The following DCC variants were observed in gnomAD, a reference collection of about 807,000 sequenced individuals.
DCC encodes DCC netrin 1 receptor.
A neutral mutation model predicts 172.5 loss-of-function variants in DCC; 58 were observed. The ratio of observed to expected loss-of-function variants is 0.34; its 90% CI spans 0.27 to 0.42. The LOEUF is 0.42. Among genes scored for constraint, DCC ranks in the 10% least tolerant of loss-of-function variants. DCC has a pLI of 1.00. For missense variants in DCC, 1,740 were observed against 1,791.0 expected (o/e 0.97, Z 0.51); for synonymous variants, 709 against 644.5 (o/e 1.10, Z -1.52).
chr18:53,081,056 T>G (rs1475360933), intron 7 of DCC, among the ~76,000 whole-genome samples: 1 of 152,078 alleles, frequency 6.6e-6, no homozygotes, highest in Admixed American at 6.6e-5. Flanking sequence ...CTGCCAGGAC[T>G]GGAATATATT....
chr18:53,048,630 A>C (rs778779841), intron 5 of DCC, among the ~76,000 whole-genome samples: 2 of 150,104 alleles, frequency 1.3e-5, no homozygotes, highest in Non-Finnish European at 3.0e-5. Context: ...TATGATAAAG[A>C]AAATGTGATA....
chr18:53,053,036 G>T (rs148417622), intron 5 of DCC, among the ~76,000 whole-genome samples: 2 of 151,986 alleles, frequency 1.3e-5, no homozygotes, highest in Non-Finnish European at 2.9e-5. Context: ...CCAGCTACTC[G>T]GAAGGCTGAG....
At chr18:52,379,444 C>T (rs1297419186) in intron 1 of DCC, among the ~76,000 whole-genome samples, 1 of 152,094 alleles carries the variant, frequency 6.6e-6, no homozygotes, top group Admixed American at 6.6e-5. Flanking sequence ...TTGTAGAAAA[C>T]ACTTTTGACC....
intron 1 of DCC, among the ~76,000 whole-genome samples, chr18:52,493,708 G>A (rs964735095): frequency 2.6e-5 from 4 of 151,876 alleles, no homozygotes; most frequent in African/African-American, 4.8e-5. Context: ...GTTAGTGACC[G>A]ATTAATTTAT....
chr18:53,423,253 C>A (rs1004608986), intron 21 of DCC, among the ~76,000 whole-genome samples: 2 of 152,128 alleles, frequency 1.3e-5, no homozygotes, highest in African/African-American at 4.8e-5. Context: ...ATTTTGGATG[C>A]CATTTCCTTG....
chr18:52,701,037 A>C (rs2036115619), intron 1 of DCC, among the ~76,000 whole-genome samples: 1 of 152,202 alleles, frequency 6.6e-6, no homozygotes, highest in Admixed American at 6.5e-5. Context: ...ATAGCCTCCG[A>C]TCAGTGACTA....
At chr18:53,232,793 C>T (rs906429388) in intron 12 of DCC, among the ~76,000 whole-genome samples, 1 of 152,126 alleles carries the variant, frequency 6.6e-6, no homozygotes, top group Admixed American at 6.6e-5. Context: ...TTCTTCTCCT[C>T]GAAGCGACTT....
intron 1 of DCC, among the ~76,000 whole-genome samples, chr18:52,482,632 C>T (rs2144585914): frequency 6.6e-6 from 1 of 152,222 alleles, no homozygotes; most frequent in Admixed American, 6.6e-5. Flanking sequence ...TATGAGGTTT[C>T]CACCTTGCAC....
chr18:53,066,141 T>C lies in DCC; in HGVS notation c.1236T>C (p.Ser412=), dbSNP rs1237657322. Residue 412 remains serine (S), a synonymous_variant, in exon 7 of 29, where the codon AGT becomes AGC. Transcript: ENST00000442544. ...AENEAGNAQT[S]AQLIVPKPAI... is the part of the protein sequence containing the mutation. ...ATGAGGCTGGAAATGCCCAGACCAGTGCACAGCTCATTGTCCCTAAGCCTG... is the reference window on the plus strand; with the variant it reads ...ATGAGGCTGGAAATGCCCAGACCAGCGCACAGCTCATTGTCCCTAAGCCTG... 1.2e-6 allele frequency: 2 copies of C among 1,613,422 alleles called. No homozygotes were observed. The highest frequency in any genetic ancestry group is 8.5e-7 in the Non-Finnish European group (1 of 1,179,572).
intron 7 of DCC, among the ~76,000 whole-genome samples, chr18:53,114,926 T>G (rs192427496): frequency 6.6e-6 from 1 of 151,798 alleles, no homozygotes; most frequent in East Asian, 1.9e-4. Context: ...ATTTTGAACG[T>G]TGAAAGCAAG....
At chr18:53,216,762 A>G (rs1428600138) in intron 12 of DCC, among the ~76,000 whole-genome samples, 7 of 152,200 alleles carry the variant, frequency 4.6e-5, no homozygotes, top group Non-Finnish European at 8.8e-5. Context: ...ATGTTGGATA[A>G]GAACTATTAA....
At chr18:52,432,391 T>C (rs1207534624) in intron 1 of DCC, among the ~76,000 whole-genome samples, 2 of 152,206 alleles carry the variant, frequency 1.3e-5, no homozygotes, top group Admixed American at 6.5e-5. Context: ...TGATTTGATG[T>C]ATGTTATATT....
At chr18:52,630,354 G>T (rs1274910429) in intron 1 of DCC, among the ~76,000 whole-genome samples, 3 of 152,152 alleles carry the variant, frequency 2.0e-5, no homozygotes, top group Non-Finnish European at 4.4e-5. Context: ...TAAATGTGAG[G>T]TATTATGAAG....
intron 1 of DCC, among the ~76,000 whole-genome samples, chr18:52,488,601 G>A (rs140891381): frequency 9.9e-5 from 15 of 152,192 alleles, no homozygotes; most frequent in African/African-American, 3.6e-4. Context: ...AACTGGCATT[G>A]AATTGACATT....
At chr18:52,952,681 A>C (rs940472914) in intron 5 of DCC, among the ~76,000 whole-genome samples, 8 of 152,140 alleles carry the variant, frequency 5.3e-5, no homozygotes, top group Admixed American at 5.2e-4. Flanking sequence ...GTTGACAATC[A>C]TTTAAATGAT....
intron 1 of DCC, among the ~76,000 whole-genome samples, chr18:52,446,974 C>G (rs1988146103): frequency 6.6e-6 from 1 of 152,190 alleles, no homozygotes; most frequent in African/African-American, 2.4e-5. Context: ...AGTTTTCATC[C>G]TCAGTCCTGT....
intron 7 of DCC, among the ~76,000 whole-genome samples, chr18:53,145,119 T>TC (rs1555719482): frequency 7.6e-6 from 1 of 132,122 alleles, no homozygotes; most frequent in Admixed American, 8.1e-5. Flanking sequence ...TTTTTTTTTT[T>TC]TTTTTTTTTT....
chr18:53,072,314 C>G (rs912774417), intron 7 of DCC, among the ~76,000 whole-genome samples: 1 of 151,898 alleles, frequency 6.6e-6, no homozygotes, highest in Non-Finnish European at 1.5e-5. Context: ...AATTAAGGAC[C>G]CTGTTTGGTA....
chr18:52,916,209 CTTT>C (rs10593227), intron 3 of DCC, among the ~76,000 whole-genome samples: 58,359 of 147,186 alleles, frequency 0.4, 11,921 homozygotes, highest in Non-Finnish European at 0.47. Flanking sequence ...AATTAGCTAC[CTTT>C]TTTTTTTTTT....
Sources: allele counts gnomAD v4.1 joint callset (sites outside exome capture counted in the v4.1 genomes callset), GRCh38; gene constraint gnomAD v4.1.1; transcripts MANE v1.5; gene names NCBI Gene and HGNC (gene_info 2026-07-23, HGNC 2026-07-21).